The following PLPPR1 variants were observed in gnomAD, a reference collection of about 807,000 sequenced individuals.
The protein encoded by PLPPR1 is phospholipid phosphatase related 1.
A neutral mutation model predicts 33.1 loss-of-function variants in PLPPR1; 10 were observed. The ratio of observed to expected loss-of-function variants is 0.30; its 90% confidence interval spans 0.19 to 0.51. PLPPR1 has a LOEUF of 0.51. Among genes scored for constraint, PLPPR1 ranks in the 20% least tolerant of loss-of-function variants. The pLI is 0.97. For synonymous variants in PLPPR1, 151 were observed against 151.0 expected, an observed-to-expected ratio of 1.00 and a Z score of 0.00; for missense variants, 304 against 408.1, an observed-to-expected ratio of 0.74 and a Z score of 2.20.
intron 1 of PLPPR1, among the ~76,000 whole-genome samples, chr9:101,056,114 A>G (rs1237456746): frequency 6.6e-6 from 1 of 152,178 alleles, no homozygotes; most frequent in Non-Finnish European, 1.5e-5. Context: ...AGTATGTACT[A>G]TTATTACCCA....
At chr9:101,031,288 C>T (rs1246832340) in intron 1 of PLPPR1, among the ~76,000 whole-genome samples, 2 of 152,092 alleles carry the variant, frequency 1.3e-5, no homozygotes, top group East Asian at 3.9e-4. Flanking sequence ...TCTGCAAGAT[C>T]AGTTTATTTT....
intron 1 of PLPPR1, among the ~76,000 whole-genome samples, chr9:101,075,649 T>A (rs774558026): frequency 6.6e-5 from 10 of 152,218 alleles, no homozygotes; most frequent in Admixed American, 2.6e-4. Context: ...TCAAAAATTA[T>A]TTATCATTTA....
At chr9:101,051,087 A>T (rs747584457) in intron 1 of PLPPR1, among the ~76,000 whole-genome samples, 2 of 152,080 alleles carry the variant, frequency 1.3e-5, no homozygotes, top group Non-Finnish European at 2.9e-5. Context: ...ATCTCACTCT[A>T]TCGTCCCTTA....
At chr9:101,198,449 CCTAA>C (rs1452930146) in intron 2 of PLPPR1, among the ~76,000 whole-genome samples, 2 of 152,274 alleles carry the variant, frequency 1.3e-5, no homozygotes, top group Admixed American at 1.3e-4. Flanking sequence ...TTGATTCTGT[CCTAA>C]TCAATGACAA....
chr9:101,166,493 G>T (rs1291086296), intron 1 of PLPPR1, among the ~76,000 whole-genome samples: 1 of 152,122 alleles, frequency 6.6e-6, no homozygotes, highest in African/African-American at 2.4e-5. Flanking sequence ...AAGACAATTA[G>T]TAATTCAGAC....
intron 1 of PLPPR1, among the ~76,000 whole-genome samples, chr9:101,150,217 AT>A (rs1456401169): frequency 1.3e-5 from 2 of 152,022 alleles, no homozygotes; most frequent in Non-Finnish European, 2.9e-5. Flanking sequence ...TATATGAAAT[AT>A]TTTTGTGTCT....
chr9:101,122,321 TACTG>T (rs1185656411), intron 1 of PLPPR1, among the ~76,000 whole-genome samples: 4 of 152,310 alleles, frequency 2.6e-5, no homozygotes. Context: ...GTTTTACAAA[TACTG>T]ACTGTCTACA....
At chr9:101,274,014 T>A (rs1828144265) in intron 3 of PLPPR1, among the ~76,000 whole-genome samples, 1 of 152,218 alleles carries the variant, frequency 6.6e-6, no homozygotes, top group African/African-American at 2.4e-5. Flanking sequence ...TTTGATCTTA[T>A]CTCTTCCATT....
intron 1 of PLPPR1, among the ~76,000 whole-genome samples, chr9:101,082,153 TG>T (rs1830628400): frequency 6.6e-6 from 1 of 152,216 alleles, no homozygotes; most frequent in Non-Finnish European, 1.5e-5. Flanking sequence ...GCTCTAGCTA[TG>T]GGTTTGAAAA....
At chr9:101,293,138 G>A (rs1828550543) in intron 4 of PLPPR1, among the ~76,000 whole-genome samples, 1 of 151,832 alleles carries the variant, frequency 6.6e-6, no homozygotes, top group Non-Finnish European at 1.5e-5. Flanking sequence ...ACAAAAAAAG[G>A]CAGGGGTTGC....
intron 2 of PLPPR1, among the ~76,000 whole-genome samples, chr9:101,196,872 A>C (rs1826405713): frequency 6.6e-6 from 1 of 152,168 alleles, no homozygotes; most frequent in Non-Finnish European, 1.5e-5. Flanking sequence ...CTCAAAAAAA[A>C]AAAAAAATTG....
intron 2 of PLPPR1, among the ~76,000 whole-genome samples, chr9:101,230,605 A>G (rs897376756): frequency 4.6e-5 from 7 of 152,088 alleles, no homozygotes; most frequent in African/African-American, 1.4e-4. Flanking sequence ...GAGTAGGCAC[A>G]TCTACCTGAT....
At chr9:101,232,362 G>T (rs541265170) in intron 2 of PLPPR1, among the ~76,000 whole-genome samples, 2 of 152,056 alleles carry the variant, frequency 1.3e-5, no homozygotes, top group South Asian at 4.2e-4. Context: ...GTGTCACTGG[G>T]ACAACTGGGC....
intron 1 of PLPPR1, among the ~76,000 whole-genome samples, chr9:101,047,968 A>G (rs1269208646): frequency 6.6e-6 from 1 of 152,222 alleles, no homozygotes; most frequent in East Asian, 1.9e-4. Flanking sequence ...GATTTAACTT[A>G]GGTGTATCTT....
At chr9:101,129,840 AAAAT>A (rs763617681) in intron 1 of PLPPR1, among the ~76,000 whole-genome samples, 7 of 152,340 alleles carry the variant, frequency 4.6e-5, no homozygotes, top group South Asian at 2.1e-4. Flanking sequence ...AAACAATAAA[AAAAT>A]AAATAAAAGG....
chr9:101,194,814 A>T (rs566146812), intron 2 of PLPPR1, among the ~76,000 whole-genome samples: 3 of 152,098 alleles, frequency 2.0e-5, no homozygotes, highest in African/African-American at 7.2e-5. Context: ...TAAATAAGGT[A>T]TTGACCACAG....
intron 1 of PLPPR1, among the ~76,000 whole-genome samples, chr9:101,045,061 C>G (rs975562920): frequency 1.3e-5 from 2 of 152,152 alleles, no homozygotes; most frequent in African/African-American, 2.4e-5. Context: ...GGGGTCTGAG[C>G]TGATCCAAAA....
intron 1 of PLPPR1, among the ~76,000 whole-genome samples, chr9:101,144,770 C>T (rs963029497): frequency 1.3e-5 from 2 of 152,182 alleles, no homozygotes; most frequent in Admixed American, 6.5e-5. Flanking sequence ...CTAGAGACCA[C>T]ACTTTGAAAA....
chr9:101,248,998 A>G (rs2118862224), intron 2 of PLPPR1, among the ~76,000 whole-genome samples: 1 of 152,194 alleles, frequency 6.6e-6, no homozygotes, highest in South Asian at 2.1e-4. Flanking sequence ...GAGGGTAAAA[A>G]ACAAAACAAA....
Sources: allele counts gnomAD v4.1 joint callset (sites outside exome capture counted in the v4.1 genomes callset), GRCh38; gene constraint gnomAD v4.1.1; transcripts MANE v1.5; gene names NCBI Gene and HGNC (gene_info 2026-07-23, HGNC 2026-07-21).